RNF144A: variants seen among roughly 807,000 people sequenced by gnomAD.
The protein encoded by RNF144A is E3 ubiquitin-protein ligase RNF144A.
In RNF144A, 11 loss-of-function variants were observed where a neutral mutation model predicts 38.7. The ratio of observed to expected loss-of-function variants is 0.28; its 90% confidence interval spans 0.18 to 0.47. The LOEUF is 0.47. RNF144A is among the 20% of genes least tolerant of loss of function. The pLI is 0.99. For synonymous variants in RNF144A, 149 were observed against 143.9 expected, an observed-to-expected ratio of 1.04 and a Z score of -0.25; for missense variants, 316 against 377.2, an observed-to-expected ratio of 0.84 and a Z score of 1.34.
intron 2 of RNF144A, among the ~76,000 whole-genome samples, chr2:6,982,676 C>T (rs571735805): frequency 2.0e-5 from 3 of 152,168 alleles, no homozygotes; most frequent in Non-Finnish European, 2.9e-5. Context: ...GTGGTGAGAG[C>T]CCTGGCCATG....
At chr2:6,968,376 G>A (rs1228037190) in intron 2 of RNF144A, among the ~76,000 whole-genome samples, 1 of 152,230 alleles carries the variant, frequency 6.6e-6, no homozygotes, top group Non-Finnish European at 1.5e-5. Context: ...TGAACACTTC[G>A]GGCCCAGAGC....
At position 6,945,344 on chromosome 2, in the gene RNF144A, A is replaced by G. The variant is rs571580096; in HGVS notation, c.-12+4197A>G. ...GCGGCTGATGGTATTGTTACAATCA[A>G]TCATAACCACATTTTCCACATTTAG... On this transcript the variant is annotated intron_variant, in intron 2 of 8. Transcript: ENST00000320892. 1.1e-4 allele frequency among the ~76,000 whole-genome samples: 16 copies of G among 152,124 alleles called. No individual in the cohort carries two copies. The South Asian group carries it at 2.5e-3, about 24-fold the overall frequency.
At chr2:7,030,285 GTGTGTGTGTGTGTGTGTGTGTA>G (rs1180966662) in intron 8 of RNF144A, 70 bp downstream of exon 8, 117 of 917,478 alleles carry the variant, frequency 1.3e-4, no homozygotes, top group South Asian at 5.9e-4. Flanking sequence ...GTGTGTGTGT[GTGTGTGTGTGTGTGTGTGTGTA>G]TGTATATCTT....
At chr2:7,045,247 G>T (rs1408042144), downstream of RNF144A, among the ~76,000 whole-genome samples, 3 of 152,240 alleles carry the variant, frequency 2.0e-5, no homozygotes, top group African/African-American at 7.2e-5. Flanking sequence ...TCAGGAACTG[G>T]ACCTTCATGA....
At chr2:6,978,521 T>C (rs1668443416) in intron 2 of RNF144A, 1 of 152,306 alleles carries the variant, frequency 6.6e-6, no homozygotes, top group Non-Finnish European at 1.5e-5. Flanking sequence ...ACTTGTGTTA[T>C]TGTGGGTATT....
chr2:7,066,082 T>G (rs1674201977), intron 6 of RNF144A, among the ~76,000 whole-genome samples: 1 of 152,202 alleles, frequency 6.6e-6, no homozygotes, highest in Non-Finnish European at 1.5e-5. Context: ...TTTCTCTCTT[T>G]TTTTTTTTTC....
chr2:6,926,001 A>G (rs1664841917), intron 1 of RNF144A, among the ~76,000 whole-genome samples: 1 of 152,244 alleles, frequency 6.6e-6, no homozygotes, highest in Non-Finnish European at 1.5e-5. Flanking sequence ...AGCACTTACT[A>G]ACAAGGACTT....
chr2:6,984,137 T>C (rs1668807561), intron 2 of RNF144A, among the ~76,000 whole-genome samples: 1 of 152,158 alleles, frequency 6.6e-6, no homozygotes, highest in Non-Finnish European at 1.5e-5. Flanking sequence ...ATTTTTCCAC[T>C]GAGCCCGCAT....
At chr2:6,929,140 CA>C (rs1665059643) in intron 1 of RNF144A, among the ~76,000 whole-genome samples, 1 of 152,074 alleles carries the variant, frequency 6.6e-6, no homozygotes, top group African/African-American at 2.4e-5. Flanking sequence ...GTTATGTCAA[CA>C]AAATTGAACT....
chr2:7,070,950 T>C (rs1572509187), downstream of RNF144A, among the ~76,000 whole-genome samples: 1 of 131,922 alleles, frequency 7.6e-6, no homozygotes, highest in Non-Finnish European at 1.6e-5. Context: ...TTTTTTTTTT[T>C]TTGAGATGGA....
At chr2:6,978,091 G>C (rs1438526019) in intron 2 of RNF144A, among the ~76,000 whole-genome samples, 2 of 152,198 alleles carry the variant, frequency 1.3e-5, no homozygotes, top group Non-Finnish European at 2.9e-5. Context: ...TAGACCAGGA[G>C]AGGAGAGGAG....
intron 2 of RNF144A, among the ~76,000 whole-genome samples, chr2:6,988,416 C>T (rs1259477899): frequency 6.6e-6 from 1 of 152,200 alleles, no homozygotes; most frequent in South Asian, 2.1e-4. Flanking sequence ...GTCCTCTCCA[C>T]TGGGACAGTT....
downstream of RNF144A, among the ~76,000 whole-genome samples, chr2:7,046,820 A>G (rs997513854): frequency 2.6e-5 from 4 of 152,260 alleles, no homozygotes; most frequent in African/African-American, 9.6e-5. Flanking sequence ...CAGTATCAAA[A>G]GTCATTCACT....
intron 6 of RNF144A, among the ~76,000 whole-genome samples, chr2:7,052,911 C>T (rs756701995): frequency 4.6e-5 from 7 of 152,194 alleles, no homozygotes; most frequent in East Asian, 1.9e-4. Context: ...TCCTTTATTT[C>T]GCTTTACAAT....
chr2:7,050,968 CT>C (rs1673497412), intron 6 of RNF144A, among the ~76,000 whole-genome samples: 1 of 152,246 alleles, frequency 6.6e-6, no homozygotes, highest in Non-Finnish European at 1.5e-5. Flanking sequence ...CCTGGCAGGG[CT>C]TGGACTGAAG....
intron 7 of RNF144A, among the ~76,000 whole-genome samples, chr2:7,028,060 G>A (rs940005018): frequency 4.6e-5 from 7 of 152,000 alleles, no homozygotes; most frequent in Non-Finnish European, 7.4e-5. Context: ...GGCACGATCC[G>A]GACACATTGC....
chr2:7,032,413 A>G (rs780873562), intron 8 of RNF144A, among the ~76,000 whole-genome samples: 5 of 151,976 alleles, frequency 3.3e-5, no homozygotes, highest in Non-Finnish European at 7.4e-5. Flanking sequence ...CTGCTGTGAC[A>G]AAGCGCTGCA....
At chr2:6,996,534 CAT>C (rs1211114674) in intron 2 of RNF144A, among the ~76,000 whole-genome samples, 2 of 152,076 alleles carry the variant, frequency 1.3e-5, no homozygotes, top group Non-Finnish European at 1.5e-5. Context: ...GTGGGGGGAT[CAT>C]GAGGTCAGGA....
chr2:7,033,500 C>T (rs750751961), intron 8 of RNF144A, among the ~76,000 whole-genome samples: 12 of 152,216 alleles, frequency 7.9e-5, no homozygotes, highest in Non-Finnish European at 1.2e-4. Context: ...TGGCCTGCAG[C>T]GCCCGTGCTT....
Sources: gnomAD v4.1 joint callset for allele counts (sites outside exome capture counted in the v4.1 genomes callset) on GRCh38, gnomAD v4.1.1 for gene constraint, MANE v1.5 for transcripts, NCBI Gene and HGNC (gene_info 2026-07-23, HGNC 2026-07-21) for gene names.